CFH: variants seen among roughly 807,000 people sequenced by gnomAD.
The protein encoded by CFH is complement factor H.
A neutral mutation model predicts 147.3 loss-of-function variants in CFH; 53 were observed. The observed-to-expected ratio is 0.36, with a 90% CI of 0.29 to 0.45. CFH has a LOEUF of 0.45. CFH is among the 20% of genes least tolerant of loss of function. The probability of loss-of-function intolerance (pLI) is 1.00; values close to 1 mark genes in which losing one functional copy is unlikely to be tolerated. For synonymous variants in CFH, 536 were observed against 489.4 expected, an observed-to-expected ratio of 1.10 and a Z score of -1.26; for missense variants, 1,380 against 1,498.0, an observed-to-expected ratio of 0.92 and a Z score of 1.30.
At chr1:196,731,187 C>G (rs1357092847) in intron 15 of CFH, among the ~76,000 whole-genome samples, 1 of 151,694 alleles carries the variant, frequency 6.6e-6, no homozygotes, top group African/African-American at 2.4e-5. Context: ...TGATGACTTT[C>G]TGTAGCCATA....
Position 196,715,597 on chromosome 1 carries a change from T to A in CFH, c.1524T>A (p.Ser508=), listed in dbSNP as rs1558174029. ...GWSAQPTCIK[S]CDIPVFMNAR... is the part of the protein sequence containing the mutation. ...TCTAAATTTTTTATGCACTAGAATC[T>A]TGTGATATCCCAGTATTTATGAATG... The change falls in exon 11 of 22, where the codon TCT becomes TCA. Residue 508 remains serine, a synonymous_variant. Transcript: ENST00000367429. 1 of 1,610,704 alleles carries A rather than the reference T, an allele frequency of 6.2e-7. No homozygotes were observed. Among genetic ancestry groups the A allele is most frequent in the East Asian group, 2.2e-5 (1 of 44,730 alleles).
intron 9 of CFH, chr1:196,692,510 TTTCCTTCC>T (rs72399259): frequency 1.2e-5 from 2 of 167,618 alleles, no homozygotes; most frequent in Admixed American, 6.6e-5. Flanking sequence ...TTTCTCTTTC[TTTCCTTCC>T]TTCCTTCCTT....
In CFH at chr1:196,677,529, G is replaced by T. The variant is rs777300338; in HGVS notation, c.481G>T (p.Ala161Ser). 5.2e-5 allele frequency: 84 copies of T among 1,613,218 alleles called. 1 individual carries two copies. In the Middle Eastern group the frequency reaches 8.3e-4, roughly 16 times the overall value. The change falls in exon 5 of 22, where the codon GCA becomes TCA. Residue 161 changes from alanine (A) to serine (S), a missense_variant. Ala to Ser is a moderately conservative substitution (Grantham distance 99). This residue lies in a region of CFH where 260 missense variants were observed against 263.3 expected (regional missense o/e 0.99). Transcript: ENST00000367429. ...AGAGAATGGAAAAATTGTCAGTAGTGCAATGGAACCAGATCGGGAATACCA... is the reference window on the plus strand; with the variant it reads ...AGAGAATGGAAAAATTGTCAGTAGTTCAATGGAACCAGATCGGGAATACCA... ...APENGKIVSSAMEPDREYHFG... is the reference protein window; with the variant it reads ...APENGKIVSSSMEPDREYHFG...
intron 1 of CFH, among the ~76,000 whole-genome samples, chr1:196,666,712 T>TGAGGCAGGAGAATGGCGTG (rs1441763319): frequency 6.8e-6 from 1 of 147,072 alleles, no homozygotes; most frequent in Non-Finnish European, 1.5e-5. Flanking sequence ...CTCAGATGGC[T>TGAGGCAGGAGAATGGCGTG]GAGGCAGGAG....
intron 9 of CFH, among the ~76,000 whole-genome samples, chr1:196,693,877 T>C (rs748988237): frequency 3.3e-5 from 5 of 151,996 alleles, no homozygotes; most frequent in Non-Finnish European, 5.9e-5. Context: ...TTAAGAAAAA[T>C]ATTCATCTGC....
At chr1:196,737,805 T>C (rs1652622689) in intron 17 of CFH, 145 bp downstream of exon 17, 1 of 594,064 alleles carries the variant, frequency 1.7e-6, no homozygotes, top group South Asian at 2.5e-5. Context: ...TTTTGCATGA[T>C]TGAATCTATT....
At position 196,692,676 on chromosome 1, in the gene CFH, CTCTT is replaced by C. The variant is rs779610106; in HGVS notation, c.1336+2449_1336+2452del. 4.7e-3 allele frequency among the ~76,000 whole-genome samples: 425 copies of C among 90,996 alleles called. 9 individuals carry two copies. The highest frequency in any genetic ancestry group is 9.2e-3 in the Admixed American group (90 of 9,750). 59.7% of individuals were successfully genotyped at this position (90,996 alleles called of 152,430 possible). ...ACGTTTCTCCTTCTTTTTCTTTTTT[CTCTT>C]TCTTTCTTTCTCTTTCCCTTCCTTT... On this transcript the variant is annotated intron_variant, in intron 9 of 21. Transcript: ENST00000367429.
chr1:196,678,833 A>T (rs1374279544), intron 5 of CFH: 1 of 152,082 alleles, frequency 6.6e-6, no homozygotes, highest in Non-Finnish European at 1.5e-5. Context: ...GTTCCTAGGC[A>T]CCTTAGTCTA....
rs1668399028 is a variant in CFH, at chr1:196,699,866, G to A, written c.1336+9627G>A. Among the ~76,000 whole-genome samples the A allele has an allele frequency of 3.3e-5, 5 of 152,224 alleles. No homozygotes were observed. The South Asian group carries it at 1.0e-3, about 32-fold the overall frequency. On this transcript the variant is annotated intron_variant, in intron 9 of 21. Coordinates refer to ENST00000367429, the MANE Select transcript of CFH (RefSeq NM_000186.4). ...AACTAGGCTTGTAGGACAATCAATGGTAATCATTAGGCTAGCTTTCCATTG... is the reference window on the plus strand; with the variant it reads ...AACTAGGCTTGTAGGACAATCAATGATAATCATTAGGCTAGCTTTCCATTG...
intron 19 of CFH, among the ~76,000 whole-genome samples, 163 bp from the exon 20 acceptor site, chr1:196,743,289 C>A (rs1393794630): frequency 6.6e-6 from 1 of 152,146 alleles, no homozygotes; most frequent in Non-Finnish European, 1.5e-5. Context: ...AGTTTCATGT[C>A]TTTTCCTCAA....
Position 196,707,374 on chromosome 1 carries a change from A to T in CFH, c.1337-6361A>T, listed in dbSNP as rs1668616239. 2.0e-5 allele frequency among the ~76,000 whole-genome samples: 3 copies of T among 152,234 alleles called. No homozygotes were observed. In the East Asian group the frequency reaches 5.8e-4, roughly 29 times the overall value. On this transcript the variant is annotated intron_variant, in intron 9 of 21. Transcript: ENST00000367429. ...ATAAATAAATTAGATATTATCAAATATACACAATCTTTAGGTTGTACTTTA... is the reference window on the plus strand; with the variant it reads ...ATAAATAAATTAGATATTATCAAATTTACACAATCTTTAGGTTGTACTTTA...
At chr1:196,680,164 T>A (rs1667600721) in intron 6 of CFH, among the ~76,000 whole-genome samples, 1 of 151,816 alleles carries the variant, frequency 6.6e-6, no homozygotes, top group African/African-American at 2.4e-5. Context: ...ATTATATGAA[T>A]ATTTTAAAAT....
intron 9 of CFH, among the ~76,000 whole-genome samples, chr1:196,708,865 C>T (rs1032641259): frequency 6.6e-6 from 1 of 152,148 alleles, no homozygotes; most frequent in Non-Finnish European, 1.5e-5. Flanking sequence ...GGTGGCAGAG[C>T]CTTCTAGGCA....
At chr1:196,737,088 G>C in intron 16 of CFH, 82 bp downstream of exon 16, 2 of 1,201,838 alleles carry the variant, frequency 1.7e-6, no homozygotes, top group Non-Finnish European at 2.4e-6. Context: ...CAAGAGAGAA[G>C]TTCTTTCTCT....
In CFH at chr1:196,702,996, T is replaced by C. The variant is rs545544241; in HGVS notation, c.1337-10739T>C. 3.8e-4 allele frequency among the ~76,000 whole-genome samples: 58 copies of C among 152,342 alleles called. 3 individuals are homozygous for C. The South Asian group carries it at 0.012, about 31-fold the overall frequency. On this transcript the variant is annotated intron_variant, in intron 9 of 21. Coordinates refer to ENST00000367429, the MANE Select transcript of CFH (RefSeq NM_000186.4). ...TTGATGATAGCTAACATGATGTTTA[T>C]CCAACAAAGTGCCCCAGATATTCAG...
At chr1:196,681,093 G>T (rs1667634660) in intron 6 of CFH, among the ~76,000 whole-genome samples, 2 of 151,772 alleles carry the variant, frequency 1.3e-5, no homozygotes, top group African/African-American at 4.8e-5. Context: ...TCTACCTGAA[G>T]TATATTATTT....
At chr1:196,743,324 C>G (rs1382928251) in intron 19 of CFH, 128 bp from the exon 20 acceptor site, 2 of 1,377,858 alleles carry the variant, frequency 1.5e-6, no homozygotes, top group Non-Finnish European at 2.0e-6. Context: ...TTATTAAAAT[C>G]AACAAAATAT....
intron 16 of CFH, among the ~76,000 whole-genome samples, 153 bp downstream of exon 16, chr1:196,737,159 C>G (rs1669426271): frequency 6.6e-6 from 1 of 152,126 alleles, no homozygotes. Context: ...TCAATCACCA[C>G]TCTTTCAGTT....
chr1:196,696,250 A>G (rs1246639443), intron 9 of CFH, among the ~76,000 whole-genome samples: 1 of 152,154 alleles, frequency 6.6e-6, no homozygotes, highest in Non-Finnish European at 1.5e-5. Context: ...CAAAAACCAC[A>G]ACAAACAGTC....
Sources: gnomAD v4.1 joint callset for allele counts (sites outside exome capture counted in the v4.1 genomes callset) on GRCh38, gnomAD v4.1.1 for gene constraint, gnomAD v4.1.1 regional missense constraint, MANE v1.5 for transcripts, NCBI Gene and HGNC (gene_info 2026-07-23, HGNC 2026-07-21) for gene names.